Variants in IL1RAPL1 observed in about 807,000 individuals in gnomAD.
The protein encoded by IL1RAPL1 is interleukin 1 receptor accessory protein like 1.
IL1RAPL1 carries 3 observed loss-of-function variants against 48.4 expected under a neutral mutation model. The ratio of observed to expected loss-of-function variants is 0.06; its 90% confidence interval spans 0.03 to 0.16. The LOEUF (loss-of-function observed/expected upper bound fraction) is 0.16, where lower values mean the gene tolerates loss of function less well. Among genes scored for constraint, IL1RAPL1 ranks in the 10% least tolerant of loss-of-function variants. The probability of loss-of-function intolerance (pLI) is 1.00; values close to 1 mark genes in which losing one functional copy is unlikely to be tolerated. For missense variants in IL1RAPL1, 349 were observed against 530.6 expected (o/e 0.66, Z 3.36); for synonymous variants, 185 against 187.7 (o/e 0.99, Z 0.12).
At chrX:29,173,848 C>T (rs1429905789) in intron 2 of IL1RAPL1, among the ~76,000 whole-genome samples, 3 of 111,383 alleles carry the variant, frequency 2.7e-5, no homozygotes, top group African/African-American at 3.3e-5. Flanking sequence ...CAATATAAGC[C>T]GCATAATGCT....
At chrX:28,962,821 T>TG (rs772157690) in intron 2 of IL1RAPL1, among the ~76,000 whole-genome samples, 1,140 of 107,769 alleles carry the variant, frequency 0.011, 16 homozygotes, top group African/African-American at 0.036. Flanking sequence ...TTGGTATCCG[T>TG]GGGGGGGGTC....
At chrX:28,756,178 T>C in intron 1 of IL1RAPL1, among the ~76,000 whole-genome samples, 1 of 112,120 alleles carries the variant, frequency 8.9e-6, no homozygotes, top group East Asian at 2.8e-4. Context: ...TTTCCCTTGC[T>C]TCTCCAGGAG....
At chrX:28,710,560 G>C (rs1601868424) in intron 1 of IL1RAPL1, among the ~76,000 whole-genome samples, 1 of 110,397 alleles carries the variant, frequency 9.1e-6, no homozygotes, top group East Asian at 2.9e-4. Context: ...GAGGGGAAGA[G>C]TAGATGAGAG....
At chrX:29,216,350 T>C (rs1487992865) in intron 2 of IL1RAPL1, among the ~76,000 whole-genome samples, 1 of 110,036 alleles carries the variant, frequency 9.1e-6, no homozygotes, top group Non-Finnish European at 1.9e-5. Flanking sequence ...CCACCACGCC[T>C]GGCTAATTTT....
intron 2 of IL1RAPL1, among the ~76,000 whole-genome samples, chrX:29,041,946 G>A (rs1310723809): frequency 9.0e-6 from 1 of 111,583 alleles, no homozygotes; most frequent in Admixed American, 9.5e-5. Flanking sequence ...TAGCTAAGAG[G>A]GGGAGAAAGG....
intron 1 of IL1RAPL1, among the ~76,000 whole-genome samples, chrX:28,782,400 A>C (rs1936432583): frequency 9.0e-6 from 1 of 111,511 alleles, no homozygotes; most frequent in African/African-American, 3.3e-5. Context: ...TATTATTTGC[A>C]TGAATTTATA....
intron 6 of IL1RAPL1, among the ~76,000 whole-genome samples, chrX:29,751,734 C>A (rs1176252321): frequency 9.2e-6 from 1 of 108,685 alleles, no homozygotes; most frequent in Non-Finnish European, 1.9e-5. Context: ...AGTTTGAGAC[C>A]AGCCTGGGTA....
At chrX:29,277,612 A>G (rs1932139739) in intron 2 of IL1RAPL1, among the ~76,000 whole-genome samples, 1 of 112,128 alleles carries the variant, frequency 8.9e-6, no homozygotes, top group South Asian at 3.7e-4. Flanking sequence ...TCCAACAACA[A>G]GAGTTGCTGC....
At chrX:29,075,374 A>T (rs1020381526) in intron 2 of IL1RAPL1, among the ~76,000 whole-genome samples, 2 of 111,661 alleles carry the variant, frequency 1.8e-5, no homozygotes, top group African/African-American at 3.3e-5. Context: ...CACAGCTAGG[A>T]TGGAGAAAGC....
At chrX:28,705,890 G>C (rs1935369366) in intron 1 of IL1RAPL1, among the ~76,000 whole-genome samples, 1 of 112,123 alleles carries the variant, frequency 8.9e-6, no homozygotes, top group Admixed American at 9.5e-5. Flanking sequence ...TGATGAAAGA[G>C]TTGAGATGTG....
chrX:29,156,860 T>C (rs760026601), intron 2 of IL1RAPL1, among the ~76,000 whole-genome samples: 10 of 61 alleles, frequency 0.16, no homozygotes, highest in South Asian at 0.71. Context: ...AACTAAAAAG[T>C]TACCAAAGAT....
chrX:28,720,769 G>A (rs1325100959), intron 1 of IL1RAPL1, among the ~76,000 whole-genome samples: 1 of 110,881 alleles, frequency 9.0e-6, no homozygotes. Context: ...CCCCACCACA[G>A]GCCCTGGTGT....
intron 6 of IL1RAPL1, among the ~76,000 whole-genome samples, chrX:29,751,900 C>T (rs772125765): frequency 1.0e-3 from 111 of 106,903 alleles, no homozygotes; most frequent in African/African-American, 3.6e-3. Flanking sequence ...CAGCTGTGCT[C>T]CAGCCTGGAC....
intron 2 of IL1RAPL1, among the ~76,000 whole-genome samples, chrX:28,804,109 T>G (rs1157507662): frequency 8.9e-6 from 1 of 111,738 alleles, no homozygotes; most frequent in East Asian, 2.8e-4. Flanking sequence ...TGCATGCCTT[T>G]TTACTTTATA....
At chrX:29,884,905 T>C (rs770434704) in intron 6 of IL1RAPL1, among the ~76,000 whole-genome samples, 1 of 111,748 alleles carries the variant, frequency 8.9e-6, no homozygotes, top group South Asian at 3.7e-4. Context: ...ATCTAACCAC[T>C]TATCACTTCT....
At chrX:29,951,415 A>C (rs1601898062) in intron 9 of IL1RAPL1, among the ~76,000 whole-genome samples, 2 of 112,241 alleles carry the variant, frequency 1.8e-5, no homozygotes, top group South Asian at 3.7e-4. Flanking sequence ...TTAGACAATA[A>C]GTAGCCACAG....
At chrX:29,012,701 C>A (rs1926152654) in intron 2 of IL1RAPL1, among the ~76,000 whole-genome samples, 1 of 111,959 alleles carries the variant, frequency 8.9e-6, no homozygotes, top group African/African-American at 3.2e-5. Context: ...GAAGATGATG[C>A]TCGCTGCAGC....
intron 9 of IL1RAPL1, 110 bp downstream of exon 9, chrX:29,941,904 A>T (rs1030142616): frequency 1.5e-6 from 1 of 672,071 alleles, no homozygotes; most frequent in African/African-American, 2.2e-5. Flanking sequence ...AGCAGCTCGT[A>T]TATTCTTTCA....
Position 29,663,240 on chromosome X carries a change from TA to T in IL1RAPL1, c.704-5181del, listed in dbSNP as rs11418496. Among the ~76,000 whole-genome samples the T allele has an allele frequency of 3.2e-4, 35 of 110,395 alleles. 1 individual carries two copies. Among genetic ancestry groups the T allele is most frequent in the African/African-American group, 1.1e-3 (33 of 30,143 alleles). On this transcript the variant is annotated intron_variant, in intron 5 of 10. Transcript: ENST00000378993. ...CAGTTGTTTGTCAATTCTTTTAAGT[TA>T]AAAAAAAATGCACAAACAACCTATT...
Sources: gnomAD v4.1 joint callset for allele counts (sites outside exome capture counted in the v4.1 genomes callset) on GRCh38, gnomAD v4.1.1 for gene constraint, MANE v1.5 for transcripts, NCBI Gene and HGNC (gene_info 2026-07-23, HGNC 2026-07-21) for gene names.